Variants in TECR observed in about 807,000 individuals in gnomAD.
The protein encoded by TECR is trans-2,3-enoyl-CoA reductase, also known as very-long-chain enoyl-CoA reductase.
A neutral mutation model predicts 50.6 loss-of-function variants in TECR; 19 were observed. The observed-to-expected ratio is 0.38, with a 90% CI of 0.26 to 0.55. TECR has a LOEUF of 0.55. Ranked by LOEUF, TECR falls within the 20% of genes least tolerant of loss-of-function variation. The pLI is 0.79. For synonymous variants in TECR, 168 were observed against 163.5 expected, an observed-to-expected ratio of 1.03 and a Z score of -0.21; for missense variants, 313 against 408.3, an observed-to-expected ratio of 0.77 and a Z score of 2.01.
chr19:14,550,783 C>T (rs1437656321), intron 1 of TECR, among the ~76,000 whole-genome samples: 4 of 151,760 alleles, frequency 2.6e-5, no homozygotes, highest in South Asian at 4.2e-4. Flanking sequence ...TGGGTTCATG[C>T]GATTCTCCTG....
intron 1 of TECR, 147 bp downstream of exon 1, chr19:14,529,858 G>T: frequency 9.0e-7 from 1 of 1,113,628 alleles, no homozygotes. Flanking sequence ...TTGCGCCCCG[G>T]GCCACTCGTA....
chr19:14,542,326 A>C (rs1184020997), intron 1 of TECR, among the ~76,000 whole-genome samples: 1 of 126,374 alleles, frequency 7.9e-6, no homozygotes, highest in African/African-American at 3.0e-5. Flanking sequence ...TTAAGTCCTC[A>C]GGGGGCCCTC....
At position 14,564,175 on chromosome 19, in the gene TECR, C is replaced by G; in HGVS notation, c.384-7C>G. 1.2e-6 allele frequency: 2 copies of G among 1,606,550 alleles called. No individual in the cohort carries two copies. The highest frequency in any genetic ancestry group is 1.1e-5 in the South Asian group (1 of 91,076). ...CAGCCCCAGCTGAGCCTGCTCCCCC[C>G]GACCAGCCTCGCCTGCATCTGTCAC... On this transcript the variant is annotated splice_region_variant and splice_polypyrimidine_tract_variant and intron_variant, in intron 6 of 12. Transcript: ENST00000215567.
At chr19:14,533,486 C>T (rs1363034590) in intron 1 of TECR, among the ~76,000 whole-genome samples, 2 of 152,106 alleles carry the variant, frequency 1.3e-5, no homozygotes, top group African/African-American at 4.8e-5. Flanking sequence ...CTCAAGCAGT[C>T]TGTTGTCCAC....
intron 1 of TECR, among the ~76,000 whole-genome samples, chr19:14,533,761 C>A (rs1418070896): frequency 6.6e-5 from 10 of 152,194 alleles, no homozygotes; most frequent in Admixed American, 6.5e-4. Context: ...TGAAGCCTCT[C>A]TCTAGAACGG....
At chr19:14,559,068 G>A (rs1461630581) in intron 1 of TECR, among the ~76,000 whole-genome samples, 1 of 152,098 alleles carries the variant, frequency 6.6e-6, no homozygotes, top group Admixed American at 6.5e-5. Flanking sequence ...CTCACATTAG[G>A]CCCTCCCTCT....
intron 1 of TECR, among the ~76,000 whole-genome samples, chr19:14,537,589 C>G (rs1246738195): frequency 1.3e-5 from 2 of 152,098 alleles, no homozygotes; most frequent in African/African-American, 4.8e-5. Flanking sequence ...AGACCTTGAG[C>G]TAGTTGGTCA....
chr19:14,550,784 G>A (rs576420369), intron 1 of TECR, among the ~76,000 whole-genome samples: 4 of 151,914 alleles, frequency 2.6e-5, no homozygotes, highest in East Asian at 3.9e-4. Context: ...GGGTTCATGC[G>A]ATTCTCCTGT....
chr19:14,557,058 C>A (rs2073752061), intron 1 of TECR, among the ~76,000 whole-genome samples: 1 of 152,168 alleles, frequency 6.6e-6, no homozygotes, highest in Non-Finnish European at 1.5e-5. Context: ...TGGATCCTGC[C>A]AGGGTTTGGC....
chr19:14,556,193 G>A (rs868216156), intron 1 of TECR, among the ~76,000 whole-genome samples: 8 of 152,068 alleles, frequency 5.3e-5, no homozygotes, highest in African/African-American at 1.9e-4. Flanking sequence ...TTCCTGCTCA[G>A]CCACGCTAGG....
chr19:14,535,545 T>TAA (rs2072852773), intron 1 of TECR, among the ~76,000 whole-genome samples: 1 of 5,170 alleles, frequency 1.9e-4, no homozygotes, highest in African/African-American at 8.9e-4. Flanking sequence ...AAAAAAAAAA[T>TAA]ATATATATAT....
Position 14,564,859 on chromosome 19 carries a change from G to A in TECR, c.562+1G>A. On this transcript the variant is annotated splice_donor_variant, in intron 8 of 12. Coordinates refer to ENST00000215567, the MANE Select transcript of TECR (RefSeq NM_138501.6). LOFTEE classifies it high-confidence loss of function. The stretch of plus-strand genomic sequence containing the variant: ...AATCACCCTCTCTACACTCCCCCTA[G>A]TAAGTGGCCTCAGACCATCCTTCCC... The A allele has an allele frequency of 6.2e-7, 1 of 1,613,930 alleles. No individual in the cohort carries two copies. The highest frequency in any genetic ancestry group is 8.5e-7 in the Non-Finnish European group (1 of 1,180,004).
intron 1 of TECR, among the ~76,000 whole-genome samples, chr19:14,533,202 T>C (rs936633073): frequency 5.9e-5 from 9 of 151,888 alleles, no homozygotes; most frequent in African/African-American, 1.9e-4. Flanking sequence ...GGGCAAATCA[T>C]GTGAGGTCAG....
intron 1 of TECR, among the ~76,000 whole-genome samples, chr19:14,537,041 G>A (rs2072925565): frequency 6.8e-6 from 1 of 146,646 alleles, no homozygotes; most frequent in African/African-American, 2.5e-5. Context: ...GGGGGAGGCG[G>A]GTCCCAAGGA....
At position 14,549,211 on chromosome 19, in the gene TECR, C is replaced by CT. The variant is rs561284094; in HGVS notation, c.16-13294dup. Among the ~76,000 whole-genome samples the CT allele has an allele frequency of 6.0e-3, 665 of 111,124 alleles. 6 individuals are homozygous for CT. Among genetic ancestry groups the CT allele is most frequent in the Non-Finnish European group, 6.3e-3 (354 of 56,320 alleles). The allele number at this position is 111,124 out of a possible 152,430, so 72.9% of individuals were successfully genotyped here. A position where few individuals can be genotyped will look rare whatever the true frequency, so the allele number is the denominator to read the frequency against. On this transcript the variant is annotated intron_variant, in intron 1 of 12. Coordinates refer to ENST00000215567, the MANE Select transcript of TECR (RefSeq NM_138501.6). Reference sequence around the variant, plus strand: ...ATTATTTCCACAACCTTTAATTGGACTTTTTTTTTTTTTTTTTTTTGAGAT... The same window carrying CT: ...ATTATTTCCACAACCTTTAATTGGACTTTTTTTTTTTTTTTTTTTTTGAGAT...
At chr19:14,552,120 T>A (rs2073544001) in intron 1 of TECR, among the ~76,000 whole-genome samples, 2 of 151,138 alleles carry the variant, frequency 1.3e-5, no homozygotes, top group East Asian at 1.9e-4. Context: ...ATTACAGGCA[T>A]GAGCCACCGC....
intron 1 of TECR, among the ~76,000 whole-genome samples, chr19:14,543,393 A>G (rs1302127630): frequency 3.4e-4 from 2 of 5,948 alleles, no homozygotes; most frequent in Non-Finnish European, 3.8e-4. Flanking sequence ...CAGAGAATAT[A>G]TATATATATA....
Position 14,545,510 on chromosome 19 carries a change from G to A in TECR, c.15+15799G>A, listed in dbSNP as rs114240054. Among the ~76,000 whole-genome samples, 1,061 of 152,246 alleles carry A rather than the reference G, an allele frequency of 7.0e-3. 15 individuals are homozygous for A. Among genetic ancestry groups the A allele is most frequent in the African/African-American group, 0.024 (1,014 of 41,540 alleles). ...CCTTGAGCACCAGCAAGCCTAGGGG[G>A]TGGGGGGGATAGCCTCTCTCAGTCG... On this transcript the variant is annotated intron_variant, in intron 1 of 12. Coordinates refer to ENST00000215567, the MANE Select transcript of TECR (RefSeq NM_138501.6).
chr19:14,528,667 G>A (rs921880662), upstream of TECR, among the ~76,000 whole-genome samples: 1 of 151,898 alleles, frequency 6.6e-6, no homozygotes, highest in African/African-American at 2.4e-5. Flanking sequence ...GGGCCGGGCG[G>A]GGTGGCTCAG....
Sources: allele counts gnomAD v4.1 joint callset (sites outside exome capture counted in the v4.1 genomes callset), GRCh38; gene constraint gnomAD v4.1.1; transcripts MANE v1.5; gene names NCBI Gene and HGNC (gene_info 2026-07-23, HGNC 2026-07-21).